The following ZNF678 variants were observed in gnomAD, a reference collection of about 807,000 sequenced individuals.
ZNF678 encodes the protein zinc finger protein 678.
ZNF678 carries 5 observed loss-of-function variants against 3.0 expected under a neutral mutation model. The ratio of observed to expected loss-of-function variants is 1.69; its 90% CI spans 0.88 to 3.56. ZNF678 has a LOEUF of 3.56. ZNF678 is among the 30% of genes most tolerant of loss of function. The pLI is 0.00. For missense variants in ZNF678, 593 were observed against 605.0 expected, an observed-to-expected ratio of 0.98 and a Z score of 0.21; for synonymous variants, 218 against 199.6, an observed-to-expected ratio of 1.09 and a Z score of -0.78.
chr1:227,631,498 A>G (rs1658546287), intron 1 of ZNF678, among the ~76,000 whole-genome samples: 1 of 152,230 alleles, frequency 6.6e-6, no homozygotes, highest in Non-Finnish European at 1.5e-5. Flanking sequence ...AACAGTTCCT[A>G]TGCAAATTCG....
chr1:227,652,835 A>T (rs866717281), intron 3 of ZNF678, among the ~76,000 whole-genome samples: 12 of 152,236 alleles, frequency 7.9e-5, no homozygotes, highest in African/African-American at 2.9e-4. Flanking sequence ...ATTTTTGTAT[A>T]TGTGTACATC....
chr1:227,615,524 C>T (rs1293470600), intron 1 of ZNF678, among the ~76,000 whole-genome samples: 2 of 152,190 alleles, frequency 1.3e-5, no homozygotes, highest in African/African-American at 4.8e-5. Context: ...TCCTCCTGGT[C>T]CTCCTGTCCC....
chr1:227,583,103 C>T (rs1657170715), intron 1 of ZNF678, among the ~76,000 whole-genome samples: 1 of 151,930 alleles, frequency 6.6e-6, no homozygotes, highest in Non-Finnish European at 1.5e-5. Flanking sequence ...TATTATGTAT[C>T]CGTTGCTCTG....
chr1:227,563,944 G>T (rs1163347769), intron 1 of ZNF678, among the ~76,000 whole-genome samples: 1 of 152,254 alleles, frequency 6.6e-6, no homozygotes, highest in Non-Finnish European at 1.5e-5. Flanking sequence ...GGGTCCCCCA[G>T]ACTGTGTGCT....
At chr1:227,648,294 A>C (rs1219856818) in intron 2 of ZNF678, among the ~76,000 whole-genome samples, 1 of 152,218 alleles carries the variant, frequency 6.6e-6, no homozygotes, top group Non-Finnish European at 1.5e-5. Flanking sequence ...TATAAAGCTT[A>C]CTGGGGCATA....
intron 1 of ZNF678, among the ~76,000 whole-genome samples, chr1:227,566,603 T>C (rs1195949489): frequency 6.6e-6 from 1 of 152,226 alleles, no homozygotes; most frequent in African/African-American, 2.4e-5. Context: ...GTCGGATGTG[T>C]CTGTGTTCCA....
chr1:227,637,510 G>A (rs940036514), intron 1 of ZNF678, among the ~76,000 whole-genome samples: 4 of 152,180 alleles, frequency 2.6e-5, no homozygotes, highest in African/African-American at 9.7e-5. Context: ...AGAGAGGTAG[G>A]CAACAACCTG....
chr1:227,667,569 C>T (rs941488247), intron 5 of ZNF678, among the ~76,000 whole-genome samples: 5 of 152,038 alleles, frequency 3.3e-5, no homozygotes, highest in African/African-American at 1.2e-4. Context: ...AATCTCCTCT[C>T]CAGGAATTTT....
Position 227,638,536 on chromosome 1 carries a change from TGTG to T in ZNF678, c.-163-8004_-163-8002del, listed in dbSNP as rs1443224652. On this transcript the variant is annotated intron_variant, in intron 1 of 3. Transcript: ENST00000343776. This position sits in a 1 kb window ranked among gnomAD's most constrained non-coding sequence, Gnocchi z 4.2. Reference sequence around the variant, plus strand: ...TCTTTAAGGGTAATGCAGACGGTGGTGTGGTGTTTTGCGCCTAAACAGCGGGGT... The same window carrying T: ...TCTTTAAGGGTAATGCAGACGGTGGTGTGTTTTGCGCCTAAACAGCGGGGT... Among the ~76,000 whole-genome samples the T allele has an allele frequency of 2.6e-5, 4 of 151,910 alleles. No homozygotes were observed. The highest frequency in any genetic ancestry group is 5.9e-5 in the Non-Finnish European group (4 of 67,980).
downstream of ZNF678, among the ~76,000 whole-genome samples, chr1:227,677,994 A>C (rs911030519): frequency 1.1e-4 from 16 of 152,234 alleles, no homozygotes; most frequent in African/African-American, 3.9e-4. Flanking sequence ...AGGGGCAGAA[A>C]TCACAGGGAA....
chr1:227,578,444 C>CT lies in ZNF678; in HGVS notation c.-164+14728dup, dbSNP rs202041308. Among the ~76,000 whole-genome samples, 798 of 152,002 alleles carry CT rather than the reference C, an allele frequency of 5.2e-3. 20 individuals carry two copies. The South Asian group carries it at 0.058, about 11-fold the overall frequency. On this transcript the variant is annotated intron_variant, in intron 1 of 3. Transcript: ENST00000343776. ...GATGTTTTATTTGTTCCTTTTAACT[C>CT]TTTTTTTTACACTATTCTTGTCTGA...
At chr1:227,654,070 A>C (rs1337899092) in intron 3 of ZNF678, among the ~76,000 whole-genome samples, 1 of 152,072 alleles carries the variant, frequency 6.6e-6, no homozygotes, top group East Asian at 1.9e-4. Flanking sequence ...GTATAAATGT[A>C]ACAAACTTTA....
chr1:227,617,643 A>G (rs1380782459), intron 1 of ZNF678, among the ~76,000 whole-genome samples: 1 of 152,202 alleles, frequency 6.6e-6, no homozygotes, highest in Non-Finnish European at 1.5e-5. Context: ...AGAAATGGCC[A>G]TACATACTAT....
chr1:227,582,255 G>A (rs375202257), intron 1 of ZNF678, among the ~76,000 whole-genome samples: 2 of 151,780 alleles, frequency 1.3e-5, no homozygotes, highest in African/African-American at 4.8e-5. Flanking sequence ...TAAATTGAAT[G>A]TAGTCACATC....
At chr1:227,567,234 C>T (rs10916165) in intron 1 of ZNF678, among the ~76,000 whole-genome samples, 79,438 of 152,068 alleles carry the variant, frequency 0.52, 21,993 homozygotes, top group Non-Finnish European at 0.62. Flanking sequence ...TTTTGCCTTT[C>T]CTTTTGAAAT....
chr1:227,676,692 C>T (rs920184173), intron 5 of ZNF678, among the ~76,000 whole-genome samples: 1 of 135,258 alleles, frequency 7.4e-6, no homozygotes, highest in Admixed American at 7.8e-5. Context: ...CCACAACAGG[C>T]CCCGGTGTGT....
intron 1 of ZNF678, among the ~76,000 whole-genome samples, chr1:227,632,250 C>A (rs891295275): frequency 2.6e-5 from 4 of 152,034 alleles, no homozygotes; most frequent in African/African-American, 9.7e-5. Flanking sequence ...TTCCTTAGAT[C>A]CCTTTGAAGT....
intron 1 of ZNF678, among the ~76,000 whole-genome samples, chr1:227,618,940 C>T (rs1359928677): frequency 6.6e-6 from 1 of 152,086 alleles, no homozygotes; most frequent in Non-Finnish European, 1.5e-5. Context: ...AGGAAACTTA[C>T]AATCATGGCA....
intron 2 of ZNF678, among the ~76,000 whole-genome samples, chr1:227,649,787 T>C (rs1366233621): frequency 6.6e-6 from 1 of 152,238 alleles, no homozygotes; most frequent in African/African-American, 2.4e-5. Flanking sequence ...CCCTCTGATA[T>C]ATCTGTTGGC....
Sources: allele counts gnomAD v4.1 joint callset (sites outside exome capture counted in the v4.1 genomes callset), GRCh38; gene constraint gnomAD v4.1.1; non-coding constraint Gnocchi (gnomAD v3.1); transcripts MANE v1.5; gene names NCBI Gene and HGNC (gene_info 2026-07-23, HGNC 2026-07-21).